EHMT1: variants seen among roughly 807,000 people sequenced by gnomAD.
EHMT1 encodes the protein histone-lysine N-methyltransferase EHMT1.
In EHMT1, 15 loss-of-function variants were observed where a neutral mutation model predicts 147.2. The ratio of observed to expected loss-of-function variants is 0.10; its 90% CI spans 0.07 to 0.16. The LOEUF is 0.16. Ranked by LOEUF, EHMT1 falls within the 10% of genes least tolerant of loss-of-function variation. EHMT1 has a pLI of 1.00. For missense variants in EHMT1, 1,587 were observed against 1,772.4 expected (o/e 0.90, Z 1.88); for synonymous variants, 795 against 709.6 (o/e 1.12, Z -1.91).
chr9:137,824,055 C>T (rs890780622), intron 25 of EHMT1, among the ~76,000 whole-genome samples: 1 of 152,032 alleles, frequency 6.6e-6, no homozygotes, highest in African/African-American at 2.4e-5. Flanking sequence ...CCTAAGAATT[C>T]CATGTCTATC....
At position 137,813,568 on chromosome 9, in the gene EHMT1, A is replaced by G. The variant is rs886902887; in HGVS notation, c.3180+38A>G. 15 of 1,612,254 alleles carry G rather than the reference A, an allele frequency of 9.3e-6. No homozygotes were observed. Among genetic ancestry groups the G allele is most frequent in the Middle Eastern group, 1.6e-4 (1 of 6,084 alleles). On this transcript the variant is annotated intron_variant, in intron 21 of 26. Transcript: ENST00000460843. The surrounding 1 kb of genome is among the most constrained non-coding windows in gnomAD (Gnocchi z 4.9). ...AGATGAAGGGCTGACTCAGGCCAGG[A>G]CATGGGACAGGCAGAAGCTTCTTGA...
chr9:137,657,263 T>C (rs1326328978), intron 1 of EHMT1, among the ~76,000 whole-genome samples: 2 of 152,116 alleles, frequency 1.3e-5, no homozygotes, highest in Non-Finnish European at 2.9e-5. Context: ...GAGGGGTGAT[T>C]GTCTCATAGG....
intron 9 of EHMT1, among the ~76,000 whole-genome samples, chr9:137,759,106 G>A (rs1019215395): frequency 6.6e-6 from 1 of 151,808 alleles, no homozygotes; most frequent in Non-Finnish European, 1.5e-5. Context: ...CAGCCTGGGC[G>A]ACAGCGAGAC....
intron 1 of EHMT1, among the ~76,000 whole-genome samples, chr9:137,702,349 A>C (rs1283971532): frequency 6.6e-6 from 1 of 152,228 alleles, no homozygotes; most frequent in African/African-American, 2.4e-5. Context: ...GCTTACTTCC[A>C]AGAAACAATA....
chr9:137,700,552 G>T (rs1943747115), intron 1 of EHMT1, among the ~76,000 whole-genome samples: 1 of 152,150 alleles, frequency 6.6e-6, no homozygotes, highest in African/African-American at 2.4e-5. Context: ...GTGCTGAGGT[G>T]GGCCTCATTA....
chr9:137,812,857 A>T, intron 19 of EHMT1, 149 bp from the exon 20 acceptor site: 1 of 1,078,780 alleles, frequency 9.3e-7, no homozygotes, highest in Non-Finnish European at 1.4e-6. Context: ...GTCTTTGCAG[A>T]GTCATTGCTG....
chr9:137,699,674 CAAAAAA>C (rs34626207), intron 1 of EHMT1, among the ~76,000 whole-genome samples: 1 of 130,002 alleles, frequency 7.7e-6, no homozygotes, highest in Non-Finnish European at 1.7e-5. Flanking sequence ...GACTCTGTCT[CAAAAAA>C]AAAAAAAAAG....
intron 1 of EHMT1, among the ~76,000 whole-genome samples, chr9:137,660,199 G>C (rs562033037): frequency 6.6e-6 from 1 of 152,022 alleles, no homozygotes; most frequent in Non-Finnish European, 1.5e-5. Context: ...GCTGGGCATA[G>C]TGGCACGTGC....
chr9:137,734,516 C>G (rs903690256), intron 4 of EHMT1, among the ~76,000 whole-genome samples: 1 of 152,154 alleles, frequency 6.6e-6, no homozygotes, highest in Non-Finnish European at 1.5e-5. Flanking sequence ...GAGGACCAAA[C>G]AGGGATTGTG....
Position 137,834,864 on chromosome 9 carries a change from C to CCAAG in EHMT1, c.3808_3809insCAAG (p.Leu1270ProfsTer50). On this transcript the variant is annotated frameshift_variant, in exon 27 of 27. Coordinates refer to ENST00000460843, the MANE Select transcript of EHMT1 (RefSeq NM_024757.5). LOFTEE classifies it high-confidence loss of function. ...CAAGTGCCGGCACTCGAGCGCGGCC[C>CCAAG]TGGCCCAGCGTCAGGCCAGCGCGGC... The CCAAG allele has an allele frequency of 6.2e-7, 1 of 1,611,484 alleles. No individual in the cohort carries two copies. Among genetic ancestry groups the CCAAG allele is most frequent in the South Asian group, 1.1e-5 (1 of 90,990 alleles).
At chr9:137,692,518 A>G (rs982859471) in intron 1 of EHMT1, among the ~76,000 whole-genome samples, 10 of 151,952 alleles carry the variant, frequency 6.6e-5, no homozygotes, top group Non-Finnish European at 1.0e-4. Context: ...CACCCACCTC[A>G]GCCTCCCAAA....
intron 1 of EHMT1, among the ~76,000 whole-genome samples, chr9:137,708,725 G>A (rs537298127): frequency 2.0e-5 from 3 of 152,280 alleles, no homozygotes; most frequent in Non-Finnish European, 2.9e-5. Flanking sequence ...ACTCTGTTCT[G>A]TGGAAATGTC....
chr9:137,747,795 A>G (rs1948668948), intron 6 of EHMT1: 1 of 152,202 alleles, frequency 6.6e-6, no homozygotes, highest in South Asian at 2.1e-4. Flanking sequence ...GTGGCACTGC[A>G]GAAGCCCACT....
intron 15 of EHMT1, chr9:137,784,140 G>A (rs1951776519): frequency 2.6e-6 from 4 of 1,545,706 alleles, no homozygotes; most frequent in Non-Finnish European, 3.5e-6. Flanking sequence ...TCGAGGGGCT[G>A]CCTTTGGTGA....
intron 7 of EHMT1, among the ~76,000 whole-genome samples, chr9:137,752,740 G>A (rs1021590281): frequency 6.6e-6 from 1 of 152,146 alleles, no homozygotes; most frequent in African/African-American, 2.4e-5. Context: ...GGATTCCGCT[G>A]CATCGGCTGA....
intron 1 of EHMT1, chr9:137,667,439 T>C (rs532811304): frequency 6.6e-6 from 1 of 152,252 alleles, no homozygotes; most frequent in African/African-American, 2.4e-5. Flanking sequence ...CTCACTCTAC[T>C]CCTCCTCCTC....
chr9:137,673,621 A>G (rs1377382231), intron 1 of EHMT1, among the ~76,000 whole-genome samples: 1 of 152,162 alleles, frequency 6.6e-6, no homozygotes. Flanking sequence ...TACACCAGAC[A>G]ACTCCTGGCG....
At chr9:137,778,107 C>T in intron 13 of EHMT1, 52 bp downstream of exon 13, 1 of 1,609,736 alleles carries the variant, frequency 6.2e-7, no homozygotes, top group South Asian at 1.1e-5. Flanking sequence ...TTTTAATCTG[C>T]ACCCCGCGTT....
At chr9:137,703,838 C>T (rs1432073700) in intron 1 of EHMT1, among the ~76,000 whole-genome samples, 1 of 152,146 alleles carries the variant, frequency 6.6e-6, no homozygotes, top group African/African-American at 2.4e-5. Flanking sequence ...CAATGCCCTA[C>T]TTCTCCAGTA....
Sources: allele counts gnomAD v4.1 joint callset (sites outside exome capture counted in the v4.1 genomes callset), GRCh38; gene constraint gnomAD v4.1.1; non-coding constraint Gnocchi (gnomAD v3.1); transcripts MANE v1.5; gene names NCBI Gene and HGNC (gene_info 2026-07-23, HGNC 2026-07-21).